Variants in LOXHD1 observed in about 807,000 individuals in gnomAD.
LOXHD1 encodes the protein lipoxygenase homology PLAT domains 1.
LOXHD1 carries 205 observed loss-of-function variants against 248.2 expected under a neutral mutation model. The observed-to-expected ratio is 0.83, with a 90% CI of 0.74 to 0.93. The LOEUF (loss-of-function observed/expected upper bound fraction) is 0.93. Among genes scored for constraint, LOXHD1 ranks in the 40% least tolerant of loss-of-function variants. The pLI is 0.00. For synonymous variants in LOXHD1, 1,113 were observed against 1,162.8 expected (o/e 0.96, Z 0.87); for missense variants, 2,930 against 2,971.6 (o/e 0.99, Z 0.33).
rs1032162854 is a variant in LOXHD1, at chr18:46,605,876, C to T, written c.760-1647G>A. Among the ~76,000 whole-genome samples the T allele has an allele frequency of 2.6e-5, 4 of 152,172 alleles. No homozygotes were observed. The East Asian group carries it at 7.7e-4, about 29-fold the overall frequency. ...AGATACCAAGTCTGAATAAGACCCA[C>T]CTCATTTGAGGTTGGGTAAAGGGAA... On this transcript the variant is annotated intron_variant, in intron 6 of 40. Coordinates refer to ENST00000642948, the MANE Select transcript of LOXHD1 (RefSeq NM_001384474.1).
At chr18:46,655,636 C>G (rs9954042) in intron 1 of LOXHD1, among the ~76,000 whole-genome samples, 12,556 of 152,234 alleles carry the variant, frequency 0.082, 745 homozygotes, top group African/African-American at 0.16. Context: ...TACAGCCCCC[C>G]CTTCTACCCT....
intron 6 of LOXHD1, among the ~76,000 whole-genome samples, chr18:46,605,727 G>A (rs933758990): frequency 2.6e-5 from 4 of 152,058 alleles, no homozygotes; most frequent in Admixed American, 6.6e-5. Context: ...ATGGGAGTTC[G>A]GTTATTACCC....
At chr18:46,496,757 C>A (rs747619523) in intron 37 of LOXHD1, among the ~76,000 whole-genome samples, 1 of 152,210 alleles carries the variant, frequency 6.6e-6, no homozygotes, top group Non-Finnish European at 1.5e-5. Flanking sequence ...AATCCCAGCA[C>A]TTTGGGAGGC....
At chr18:46,504,385 T>C (rs1415855187) in intron 37 of LOXHD1, among the ~76,000 whole-genome samples, 5 of 152,190 alleles carry the variant, frequency 3.3e-5, no homozygotes, top group African/African-American at 9.7e-5. Flanking sequence ...GGATTACAGC[T>C]GTGAGCCACA....
chr18:46,560,852 ACGCGCGCG>A (rs34336210), intron 18 of LOXHD1, among the ~76,000 whole-genome samples: 2 of 151,374 alleles, frequency 1.3e-5, no homozygotes, highest in African/African-American at 4.9e-5. Context: ...ACACACACGC[ACGCGCGCG>A]CGCGCGCCTC....
chr18:46,575,511 C>G (rs144735513), intron 14 of LOXHD1, among the ~76,000 whole-genome samples: 8 of 152,270 alleles, frequency 5.3e-5, no homozygotes, highest in African/African-American at 1.9e-4. Context: ...TCTAATCTGA[C>G]TGGTATCCTT....
intron 21 of LOXHD1, among the ~76,000 whole-genome samples, chr18:46,557,137 A>G (rs1020803930): frequency 6.1e-5 from 6 of 99,140 alleles, no homozygotes; most frequent in African/African-American, 2.0e-4. Context: ...GCCCGCCCTT[A>G]CCCTCATACC....
intron 21 of LOXHD1, among the ~76,000 whole-genome samples, chr18:46,555,537 G>A: frequency 6.6e-6 from 1 of 152,170 alleles, no homozygotes; most frequent in East Asian, 1.9e-4. Context: ...CTGCACAGAG[G>A]GGAGCCCAAC....
At chr18:46,540,176 C>T (rs1475333356) in intron 25 of LOXHD1, among the ~76,000 whole-genome samples, 1 of 152,158 alleles carries the variant, frequency 6.6e-6, no homozygotes, top group Non-Finnish European at 1.5e-5. Flanking sequence ...GTAACTTGCC[C>T]AAAGTCACAT....
At chr18:46,517,847 T>C (rs1334871688) in intron 34 of LOXHD1, among the ~76,000 whole-genome samples, 2 of 152,184 alleles carry the variant, frequency 1.3e-5, no homozygotes, top group South Asian at 2.1e-4. Flanking sequence ...TACAATACCA[T>C]CAACTAATCT....
chr18:46,509,143 T>C (rs1196829846), intron 35 of LOXHD1, among the ~76,000 whole-genome samples: 1 of 152,204 alleles, frequency 6.6e-6, no homozygotes, highest in Non-Finnish European at 1.5e-5. Flanking sequence ...CACGCTGCTG[T>C]TGCTCCTTGA....
intron 34 of LOXHD1, among the ~76,000 whole-genome samples, chr18:46,510,916 C>T (rs557438616): frequency 6.6e-6 from 1 of 152,348 alleles, no homozygotes; most frequent in East Asian, 1.9e-4. Flanking sequence ...GTGCTCATGT[C>T]ACATTCATGT....
At chr18:46,538,125 C>T in intron 26 of LOXHD1, 31 bp downstream of exon 26, 3 of 1,514,046 alleles carry the variant, frequency 2.0e-6, no homozygotes, top group Non-Finnish European at 2.7e-6. Flanking sequence ...TGACCTACTC[C>T]ATCCCTGGAC....
intron 34 of LOXHD1, among the ~76,000 whole-genome samples, chr18:46,517,528 C>A (rs2035319547): frequency 6.6e-6 from 1 of 152,158 alleles, no homozygotes; most frequent in South Asian, 2.1e-4. Context: ...TGGCACAAAA[C>A]AAGCTTCTAT....
Position 46,618,260 on chromosome 18 carries a change from C to G in LOXHD1, c.542G>C (p.Gly181Ala). The G allele has an allele frequency of 6.4e-7, 1 of 1,551,278 alleles. No individual in the cohort carries two copies. Among genetic ancestry groups the G allele is most frequent in the Non-Finnish European group, 8.7e-7 (1 of 1,146,678 alleles). ...GNKYEVKVYT[G>A]DVIGAGTDAD... ...ATCTGTCCCTGCACCAATTACATCA[C>G]CAGTGTATACCTTGACTTCATACTT... Residue 181 changes from glycine (G) to alanine (A), a missense_variant, in exon 5 of 41, where the codon GGT (glycine) becomes GCT (alanine). Coordinates refer to ENST00000642948, the MANE Select transcript of LOXHD1 (RefSeq NM_001384474.1).
chr18:46,560,255 G>GGACTCCTCTGATGAGGAC lies in LOXHD1; in HGVS notation c.2871_2888dup (p.Ser960_Ser965dup), dbSNP rs2144012678. The GGACTCCTCTGATGAGGAC allele has an allele frequency of 1.9e-6, 3 of 1,551,824 alleles. No individual in the cohort carries two copies. The highest frequency in any genetic ancestry group is 2.6e-6 in the Non-Finnish European group (3 of 1,147,002). ...CTTCCATCTCCTCCTCCTCTGACGA[G>GGACTCCTCTGATGAGGAC]GACTCCTCTGATGAGGACGACTCCT... On this transcript the variant is annotated inframe_insertion, in exon 19 of 41. Transcript: ENST00000642948.
chr18:46,614,005 A>C (rs1244935464), intron 5 of LOXHD1, among the ~76,000 whole-genome samples: 1 of 152,228 alleles, frequency 6.6e-6, no homozygotes, highest in East Asian at 1.9e-4. Flanking sequence ...AATGCAAATC[A>C]AAACCACAAT....
Position 46,522,364 on chromosome 18 carries a change from C to T in LOXHD1, c.4877-55G>A, listed in dbSNP as rs1598909855. On this transcript the variant is annotated intron_variant, in intron 31 of 40. Transcript: ENST00000642948. ...AACAGACCAGATAGACAAGGCACTG[C>T]CTCATAGACTCACAGATTTGGAAGT... 5.6e-6 allele frequency: 8 copies of T among 1,423,864 alleles called. No individual in the cohort carries two copies. In the African/African-American group the frequency reaches 8.5e-5, roughly 15 times the overall value. 88.2% of individuals were successfully genotyped at this position (1,423,864 alleles called of 1,614,324 possible).
chr18:46,498,809 G>A (rs757513002), intron 37 of LOXHD1, among the ~76,000 whole-genome samples: 1 of 152,152 alleles, frequency 6.6e-6, no homozygotes, highest in Non-Finnish European at 1.5e-5. Flanking sequence ...CACATTCTGA[G>A]GTTCTTGGTG....
Sources: gnomAD v4.1 joint callset for allele counts (sites outside exome capture counted in the v4.1 genomes callset) on GRCh38, gnomAD v4.1.1 for gene constraint, MANE v1.5 for transcripts, NCBI Gene and HGNC (gene_info 2026-07-23, HGNC 2026-07-21) for gene names.